PTPN3: variants seen among roughly 807,000 people sequenced by gnomAD.
PTPN3 encodes tyrosine-protein phosphatase non-receptor type 3.
PTPN3 carries 96 observed loss-of-function variants against 132.7 expected under a neutral mutation model. The ratio of observed to expected loss-of-function variants is 0.72; its 90% confidence interval spans 0.61 to 0.86. PTPN3 has a LOEUF of 0.86. Among genes scored for constraint, PTPN3 ranks in the 40% least tolerant of loss-of-function variants. The pLI, the probability that PTPN3 is intolerant of heterozygous loss-of-function variation, is 0.00. For synonymous variants in PTPN3, 398 were observed against 429.0 expected (o/e 0.93, Z 0.89); for missense variants, 1,125 against 1,159.6 (o/e 0.97, Z 0.43).
chr9:109,530,273 A>G, the PTPN3 span, among the ~76,000 whole-genome samples: 28 of 152,284 alleles, frequency 1.8e-4, no homozygotes, highest in South Asian at 4.4e-3. Context: ...GGCAACCACC[A>G]TTCTATCTTC....
intron 12 of PTPN3, among the ~76,000 whole-genome samples, chr9:109,424,834 G>A (rs989810674): frequency 6.6e-6 from 1 of 152,204 alleles, no homozygotes; most frequent in Non-Finnish European, 1.5e-5. Flanking sequence ...CACCAAAATA[G>A]GGGTATTTTC....
rs571216091 is a variant in PTPN3, at chr9:109,400,925, A to G, written c.1953+3523T>C. 2.0e-5 allele frequency among the ~76,000 whole-genome samples: 3 copies of G among 152,140 alleles called. No individual in the cohort carries two copies. In the East Asian group the frequency reaches 5.8e-4, roughly 29 times the overall value. ...TCGCACCTGTAACAGTGGTTTTCACATGATGGTCTGTTTAGCCTAGGGCTC... is the reference window on the plus strand; with the variant it reads ...TCGCACCTGTAACAGTGGTTTTCACGTGATGGTCTGTTTAGCCTAGGGCTC... On this transcript the variant is annotated intron_variant, in intron 19 of 25. Transcript: ENST00000374541.
intron 16 of PTPN3, among the ~76,000 whole-genome samples, chr9:109,408,950 G>A (rs1239852454): frequency 6.6e-6 from 1 of 151,440 alleles, no homozygotes; most frequent in African/African-American, 2.4e-5. Flanking sequence ...TGGCCTGTGA[G>A]CGCTGGTCCT....
the PTPN3 span, among the ~76,000 whole-genome samples, chr9:109,529,927 T>C: frequency 1.3e-5 from 2 of 152,178 alleles, no homozygotes; most frequent in African/African-American, 4.8e-5. Flanking sequence ...TATTTATTTA[T>C]TGTAGAGACG....
At chr9:109,462,329 A>G (rs1299939569) in intron 2 of PTPN3, among the ~76,000 whole-genome samples, 1 of 152,238 alleles carries the variant, frequency 6.6e-6, no homozygotes, top group Non-Finnish European at 1.5e-5. Context: ...TCCTGCCTAC[A>G]TCAAGGTCCA....
intron 18 of PTPN3, among the ~76,000 whole-genome samples, chr9:109,404,957 C>T (rs1306977555): frequency 4.6e-5 from 7 of 152,088 alleles, no homozygotes; most frequent in Admixed American, 2.6e-4. Flanking sequence ...CTACCCATCC[C>T]GACTCCCCTT....
the PTPN3 span, among the ~76,000 whole-genome samples, chr9:109,527,435 T>TGA: frequency 6.6e-6 from 1 of 152,214 alleles, no homozygotes; most frequent in African/African-American, 2.4e-5. Flanking sequence ...CACTCCAGCT[T>TGA]GGATAACGGA....
At chr9:109,503,004 G>A (rs1847879238), upstream of PTPN3, among the ~76,000 whole-genome samples, 1 of 152,068 alleles carries the variant, frequency 6.6e-6, no homozygotes, top group Admixed American at 6.5e-5. Flanking sequence ...TCAAGTCTTT[G>A]GGTGTCTATT....
rs1047988020 is a variant in PTPN3, at chr9:109,411,306, C to T, written c.1314-891G>A. ...GAGTAACTTGCCCAGGGTCACATGG[C>T]TTTCCCCCGGCTTAGCAGACAGAAA... On this transcript the variant is annotated intron_variant, in intron 14 of 25. Transcript: ENST00000374541. 3.3e-5 allele frequency among the ~76,000 whole-genome samples: 5 copies of T among 152,320 alleles called. No individual in the cohort carries two copies. In the East Asian group the frequency reaches 9.6e-4, roughly 29 times the overall value.
chr9:109,438,871 T>C (rs950163841), intron 7 of PTPN3, among the ~76,000 whole-genome samples: 1 of 152,074 alleles, frequency 6.6e-6, no homozygotes, highest in Non-Finnish European at 1.5e-5. Context: ...GCAAAGTTCC[T>C]AGGGAGAAAG....
the PTPN3 span, among the ~76,000 whole-genome samples, chr9:109,535,803 G>A: frequency 1.3e-5 from 2 of 152,064 alleles, no homozygotes; most frequent in African/African-American, 4.8e-5. Context: ...CACTGCACCT[G>A]GACATACATT....
Position 109,377,106 on chromosome 9 carries a change from CA to C in PTPN3, c.*2449del, listed in dbSNP as rs1371017922. On this transcript the variant is annotated 3_prime_UTR_variant, in exon 26 of 26. Coordinates refer to ENST00000374541, the MANE Select transcript of PTPN3 (RefSeq NM_002829.4). ...ACACAGGGTGATGATGCATTTTTAC[CA>C]AACAGTAATAACTTGCTAAATATCC... 1 of 152,180 alleles carries C rather than the reference CA, an allele frequency of 6.6e-6. No homozygotes were observed. Among genetic ancestry groups the C allele is most frequent in the Non-Finnish European group, 1.5e-5 (1 of 68,034 alleles). The allele number at this position is 152,180 out of a possible 1,614,324, so 9.4% of individuals were successfully genotyped here. A position where few individuals can be genotyped will look rare whatever the true frequency, so the allele number is the denominator to read the frequency against.
intron 23 of PTPN3, 47 bp downstream of exon 23, chr9:109,383,376 T>C: frequency 6.2e-7 from 1 of 1,613,642 alleles, no homozygotes; most frequent in South Asian, 1.1e-5. Context: ...CAGTGGCCGC[T>C]GATTCAGCAC....
chr9:109,482,111 C>G (rs1022711592), intron 1 of PTPN3, among the ~76,000 whole-genome samples: 1 of 152,214 alleles, frequency 6.6e-6, no homozygotes, highest in Non-Finnish European at 1.5e-5. Flanking sequence ...ATTACACCTG[C>G]ACTTTTAGAA....
intron 4 of PTPN3, among the ~76,000 whole-genome samples, chr9:109,455,122 C>T (rs1564458510): frequency 6.6e-6 from 1 of 152,170 alleles, no homozygotes; most frequent in Non-Finnish European, 1.5e-5. Flanking sequence ...TTCTGCTATA[C>T]CACATTTCAA....
intron 6 of PTPN3, 118 bp downstream of exon 6, chr9:109,448,693 G>T: frequency 2.0e-6 from 2 of 998,156 alleles, no homozygotes; most frequent in Non-Finnish European, 3.1e-6. Flanking sequence ...TGTACAGGAT[G>T]CTTTGCACAT....
the PTPN3 span, among the ~76,000 whole-genome samples, chr9:109,529,004 T>G: frequency 6.6e-6 from 1 of 152,210 alleles, no homozygotes; most frequent in Non-Finnish European, 1.5e-5. Context: ...TTATCATTGT[T>G]GTAGATATGG....
chr9:109,504,599 C>G, the PTPN3 span, among the ~76,000 whole-genome samples: 1 of 152,284 alleles, frequency 6.6e-6, no homozygotes, highest in African/African-American at 2.4e-5. Context: ...CCCAGACCTT[C>G]AAGGACACTT....
intron 1 of PTPN3, among the ~76,000 whole-genome samples, chr9:109,467,899 T>C (rs770561782): frequency 6.6e-5 from 10 of 152,296 alleles, no homozygotes; most frequent in Middle Eastern, 3.4e-3. Context: ...GATTGTTACA[T>C]AAAGGGCTTG....
Sources: allele counts gnomAD v4.1 joint callset (sites outside exome capture counted in the v4.1 genomes callset), GRCh38; gene constraint gnomAD v4.1.1; transcripts MANE v1.5; gene names NCBI Gene and HGNC (gene_info 2026-07-23, HGNC 2026-07-21).